Variants in COBL observed in about 807,000 individuals in gnomAD.
COBL encodes protein cordon-bleu.
COBL carries 51 observed loss-of-function variants against 98.8 expected under a neutral mutation model. That is an observed-to-expected ratio of 0.52 (90% CI 0.41 to 0.65). The LOEUF (loss-of-function observed/expected upper bound fraction) is 0.65. Among genes scored for constraint, COBL ranks in the 30% least tolerant of loss-of-function variants. The pLI, the probability that COBL is intolerant of heterozygous loss-of-function variation, is 0.00. For missense variants in COBL, 1,617 were observed against 1,617.5 expected, an observed-to-expected ratio of 1.00 and a Z score of 0.01; for synonymous variants, 634 against 651.7, an observed-to-expected ratio of 0.97 and a Z score of 0.41.
intron 1 of COBL, among the ~76,000 whole-genome samples, chr7:51,261,105 A>G (rs949508197): frequency 6.6e-6 from 1 of 152,110 alleles, no homozygotes; most frequent in Non-Finnish European, 1.5e-5. Context: ...GCCCCACCGC[A>G]GGAGATGTGC....
intron 7 of COBL, among the ~76,000 whole-genome samples, chr7:51,062,293 T>C (rs201857239): frequency 4.7e-5 from 6 of 126,934 alleles, no homozygotes; most frequent in Non-Finnish European, 8.3e-5. Context: ...CTCTCTCTCT[T>C]TAATTTGCGT....
intron 6 of COBL, among the ~76,000 whole-genome samples, chr7:51,123,038 G>C (rs1583869579): frequency 6.6e-6 from 1 of 151,808 alleles, no homozygotes; most frequent in East Asian, 1.9e-4. Context: ...TAGACTCAAA[G>C]ACAGTTTAGT....
At chr7:51,233,314 C>A (rs1243148402) in intron 1 of COBL, among the ~76,000 whole-genome samples, 1 of 152,026 alleles carries the variant, frequency 6.6e-6, no homozygotes, top group Non-Finnish European at 1.5e-5. Context: ...CAGCAAGGGG[C>A]AAGAAAAGTC....
chr7:51,263,035 G>T (rs1205645583), intron 1 of COBL, among the ~76,000 whole-genome samples: 1 of 152,222 alleles, frequency 6.6e-6, no homozygotes, highest in African/African-American at 2.4e-5. Context: ...ACTGACATCA[G>T]TGGGGCCCTG....
intron 5 of COBL, among the ~76,000 whole-genome samples, chr7:51,143,191 T>G (rs1379422902): frequency 1.3e-5 from 2 of 152,190 alleles, no homozygotes; most frequent in African/African-American, 4.8e-5. Context: ...TCACAGGGCA[T>G]GCCTCAATCT....
chr7:51,147,736 A>T (rs1785167228), intron 5 of COBL, among the ~76,000 whole-genome samples: 1 of 151,184 alleles, frequency 6.6e-6, no homozygotes, highest in African/African-American at 2.4e-5. Flanking sequence ...AACATAAAGT[A>T]CGTTGATTTT....
At chr7:51,085,078 A>T in intron 7 of COBL, 88 bp downstream of exon 7, 1 of 1,586,262 alleles carries the variant, frequency 6.3e-7, no homozygotes, top group Non-Finnish European at 8.6e-7. Context: ...ATTATGGATG[A>T]GGCCACTGCA....
chr7:51,257,500 T>C (rs905193270), intron 1 of COBL, among the ~76,000 whole-genome samples: 2 of 152,178 alleles, frequency 1.3e-5, no homozygotes, highest in South Asian at 4.1e-4. Flanking sequence ...TGGAATTAAT[T>C]TGGTATATCC....
chr7:51,294,163 T>C (rs561933096), intron 1 of COBL, among the ~76,000 whole-genome samples: 3 of 151,524 alleles, frequency 2.0e-5, no homozygotes, highest in African/African-American at 7.3e-5. Flanking sequence ...TGGTGGCACA[T>C]GCCTGTAGTC....
At chr7:51,031,047 T>A in intron 8 of COBL, 138 bp from the exon 9 acceptor site, 1 of 660,202 alleles carries the variant, frequency 1.5e-6, no homozygotes, top group South Asian at 1.8e-5. Context: ...GCTGTTGTCC[T>A]CAGAACTACG....
chr7:51,029,784 C>T (rs1787973771), intron 9 of COBL, among the ~76,000 whole-genome samples, 193 bp from the exon 10 acceptor site: 1 of 152,224 alleles, frequency 6.6e-6, no homozygotes, highest in African/African-American at 2.4e-5. Context: ...CTCAACACAG[C>T]TGTTTGCAGA....
chr7:51,039,824 GC>G (rs1471344670), intron 8 of COBL, among the ~76,000 whole-genome samples: 3 of 152,182 alleles, frequency 2.0e-5, no homozygotes, highest in African/African-American at 7.2e-5. Context: ...TGAATTGGTT[GC>G]CAACATTTAC....
At chr7:51,203,626 A>G (rs1477909113) in intron 2 of COBL, among the ~76,000 whole-genome samples, 1 of 152,080 alleles carries the variant, frequency 6.6e-6, no homozygotes, top group Non-Finnish European at 1.5e-5. Context: ...ATCCCTAAAA[A>G]AAAAGAAAAA....
chr7:51,210,442 C>A (rs1441364144), intron 2 of COBL, among the ~76,000 whole-genome samples: 1 of 152,172 alleles, frequency 6.6e-6, no homozygotes, highest in Non-Finnish European at 1.5e-5. Context: ...GGGCTGGAAC[C>A]CGCACCCAGG....
rs10441460 is a variant in COBL at position 51,180,831 on chromosome 7, T to G, written c.783+3271A>C. 3.7e-3 allele frequency among the ~76,000 whole-genome samples: 557 copies of G among 152,342 alleles called. 4 individuals carry two copies. Among genetic ancestry groups the G allele is most frequent in the African/African-American group, 0.013 (536 of 41,586 alleles). On this transcript the variant is annotated intron_variant, in intron 5 of 12. Coordinates refer to ENST00000265136, the MANE Select transcript of COBL (RefSeq NM_015198.5). ...GTTTTCAGTTGTTCCCTAATGGAAT[T>G]CAGGTTTGTTTGATCTGGCATATAA...
Position 51,082,805 on chromosome 7 carries a change from A to G in COBL, c.1096+2361T>C, listed in dbSNP as rs575970725. ...ATGAGAACACTGGCTCCTAGCTGAC[A>G]TCTCTACAACCACAAGGTGTGTGTT... On this transcript the variant is annotated intron_variant, in intron 7 of 12. Coordinates refer to ENST00000265136, the MANE Select transcript of COBL (RefSeq NM_015198.5). 1.9e-4 allele frequency among the ~76,000 whole-genome samples: 29 copies of G among 152,318 alleles called. No individual in the cohort carries two copies. The East Asian group carries it at 5.0e-3, about 26-fold the overall frequency.
intron 1 of COBL, among the ~76,000 whole-genome samples, chr7:51,273,449 C>T (rs552043063): frequency 6.3e-4 from 96 of 152,166 alleles, no homozygotes; most frequent in African/African-American, 2.2e-3. Flanking sequence ...TGAACAGTAG[C>T]TACCACTATC....
At chr7:51,090,670 T>A (rs193262706) in intron 6 of COBL, among the ~76,000 whole-genome samples, 1 of 152,180 alleles carries the variant, frequency 6.6e-6, no homozygotes, top group Non-Finnish European at 1.5e-5. Flanking sequence ...CACAGCTCAG[T>A]GCAATCAAGA....
chr7:51,270,940 A>G (rs1017509391), intron 1 of COBL, among the ~76,000 whole-genome samples: 3 of 152,212 alleles, frequency 2.0e-5, no homozygotes, highest in Non-Finnish European at 1.5e-5. Flanking sequence ...CAATTTAATT[A>G]TTCCTATACA....
Sources: allele counts gnomAD v4.1 joint callset (sites outside exome capture counted in the v4.1 genomes callset), GRCh38; gene constraint gnomAD v4.1.1; transcripts MANE v1.5; gene names NCBI Gene and HGNC (gene_info 2026-07-23, HGNC 2026-07-21).